Variants in JAM3 observed in about 807,000 individuals in gnomAD.
The protein encoded by JAM3 is junctional adhesion molecule C.
Under a neutral mutation model 39.4 loss-of-function variants are expected in JAM3, and 31 were observed. That is an observed-to-expected ratio of 0.79 (90% confidence interval 0.59 to 1.06). JAM3 has a LOEUF of 1.06. Ranked by LOEUF, JAM3 falls within the 50% of genes least tolerant of loss-of-function variation. The pLI, the probability that JAM3 is intolerant of heterozygous loss-of-function variation, is 0.00. For synonymous variants in JAM3, 182 were observed against 148.7 expected, an observed-to-expected ratio of 1.22 and a Z score of -1.63; for missense variants, 455 against 391.4, an observed-to-expected ratio of 1.16 and a Z score of -1.37.
chr11:134,091,749 A>C (rs1174135409), intron 1 of JAM3, among the ~76,000 whole-genome samples: 2 of 152,062 alleles, frequency 1.3e-5, no homozygotes, highest in Non-Finnish European at 2.9e-5. Context: ...AGGATGTATC[A>C]TGCAAATAAA....
intron 1 of JAM3, among the ~76,000 whole-genome samples, chr11:134,080,755 C>T (rs532662919): frequency 6.6e-5 from 10 of 152,122 alleles, no homozygotes; most frequent in Non-Finnish European, 8.8e-5. Context: ...TAGAGTGGGG[C>T]GCTACTGAAA....
At chr11:134,112,437 G>C (rs1341394563) in intron 1 of JAM3, among the ~76,000 whole-genome samples, 1 of 152,144 alleles carries the variant, frequency 6.6e-6, no homozygotes, top group Non-Finnish European at 1.5e-5. Context: ...AGATGGAAGT[G>C]CAGGTTTCAA....
chr11:134,141,196 C>T (rs995480158), intron 3 of JAM3, among the ~76,000 whole-genome samples: 4 of 151,964 alleles, frequency 2.6e-5, no homozygotes, highest in Non-Finnish European at 5.9e-5. Context: ...CTGGGGTTGC[C>T]GATGGGGAGA....
chr11:134,148,953 G>A, intron 8 of JAM3, 135 bp downstream of exon 8: 2 of 686,044 alleles, frequency 2.9e-6, no homozygotes, highest in Non-Finnish European at 2.4e-6. Context: ...CCCCTTCACA[G>A]TAACACACAC....
Position 134,149,687 on chromosome 11 carries a change from T to C in JAM3, c.*506T>C, listed in dbSNP as rs912603482. 8.8e-6 allele frequency: 4 copies of C among 456,682 alleles called. No individual in the cohort carries two copies. The highest frequency in any genetic ancestry group is 2.0e-5 in the African/African-American group (1 of 50,130). 28.3% of individuals were successfully genotyped at this position (456,682 alleles called of 1,614,324 possible). Reference sequence around the variant, plus strand: ...CACAGACACCACCGCAGTTTCTTCTTAAAGGCTCTGCTGATCGGTGTTGCA... The same window carrying C: ...CACAGACACCACCGCAGTTTCTTCTCAAAGGCTCTGCTGATCGGTGTTGCA... On this transcript the variant is annotated 3_prime_UTR_variant, in exon 9 of 9. Transcript: ENST00000299106.
intron 1 of JAM3, among the ~76,000 whole-genome samples, chr11:134,082,119 G>T (rs768200143): frequency 5.3e-5 from 8 of 152,192 alleles, no homozygotes; most frequent in Non-Finnish European, 1.2e-4. Context: ...TTTCGGACTT[G>T]CATGGGGCCT....
intron 1 of JAM3, among the ~76,000 whole-genome samples, chr11:134,119,123 G>T (rs1398215129): frequency 6.6e-6 from 1 of 151,646 alleles, no homozygotes; most frequent in South Asian, 2.1e-4. Context: ...ACAGAGTTCC[G>T]CCATGTTGGC....
At chr11:134,076,151 C>CTTTCT (rs763536254) in intron 1 of JAM3, among the ~76,000 whole-genome samples, 8 of 120,388 alleles carry the variant, frequency 6.6e-5, no homozygotes, top group Admixed American at 8.6e-5. Flanking sequence ...TCTTTTCTTT[C>CTTTCT]TTTTTTTTTT....
Position 134,123,911 on chromosome 11 carries a change from A to C in JAM3, c.77-15940A>C. 12 of 1,145,454 alleles carry C rather than the reference A, an allele frequency of 1.0e-5. No homozygotes were observed. The South Asian group carries it at 1.2e-4, about 12-fold the overall frequency. The allele number at this position is 1,145,454 out of a possible 1,614,324, so 71.0% of individuals were successfully genotyped here. A position where few individuals can be genotyped will look rare whatever the true frequency, so the allele number is the denominator to read the frequency against. On this transcript the variant is annotated intron_variant, in intron 1 of 8. Coordinates refer to ENST00000299106, the MANE Select transcript of JAM3 (RefSeq NM_032801.5). ...TCTCCAAGTAAAGCAGCTGTTTGGAATTGAAGGCCCCCCTTCTTTTTTGTG... is the reference window on the plus strand; with the variant it reads ...TCTCCAAGTAAAGCAGCTGTTTGGACTTGAAGGCCCCCCTTCTTTTTTGTG...
intron 1 of JAM3, among the ~76,000 whole-genome samples, chr11:134,134,235 G>A (rs889573182): frequency 1.3e-5 from 2 of 151,750 alleles, no homozygotes; most frequent in Non-Finnish European, 2.9e-5. Flanking sequence ...TACAAGAAGT[G>A]GGCAACTACA....
intron 1 of JAM3, among the ~76,000 whole-genome samples, chr11:134,103,900 C>A (rs1486095064): frequency 2.0e-5 from 3 of 152,164 alleles, no homozygotes; most frequent in Non-Finnish European, 4.4e-5. Flanking sequence ...GACTCCCACA[C>A]AATAATAATG....
chr11:134,091,115 T>C lies in JAM3; in HGVS notation c.76+21956T>C, dbSNP rs370915350. On this transcript the variant is annotated intron_variant, in intron 1 of 8. Coordinates refer to ENST00000299106, the MANE Select transcript of JAM3 (RefSeq NM_032801.5). Reference sequence around the variant, plus strand: ...AATGTGATGGAACTGAGAGACACTGTGGATTGGCTTAGAACTGAACCACAG... The same window carrying C: ...AATGTGATGGAACTGAGAGACACTGCGGATTGGCTTAGAACTGAACCACAG... Among the ~76,000 whole-genome samples the C allele has an allele frequency of 7.9e-5, 12 of 152,298 alleles. No individual in the cohort carries two copies. In the East Asian group the frequency reaches 9.7e-4, roughly 12 times the overall value.
intron 1 of JAM3, among the ~76,000 whole-genome samples, chr11:134,070,626 G>T (rs1440230705): frequency 6.6e-6 from 1 of 152,162 alleles, no homozygotes; most frequent in Non-Finnish European, 1.5e-5. Context: ...TCCAGCACCC[G>T]CTGTGTTGGT....
intron 1 of JAM3, among the ~76,000 whole-genome samples, chr11:134,078,457 A>T (rs1565481554): frequency 6.6e-6 from 1 of 152,236 alleles, no homozygotes; most frequent in South Asian, 2.1e-4. Flanking sequence ...TCTCAGTTTA[A>T]CACTCCTACC....
In JAM3 at chr11:134,097,346, G is replaced by A. The variant is rs139079753; in HGVS notation, c.76+28187G>A. Reference sequence around the variant, plus strand: ...TGGTTGCTGTTCTGCATTTCAGGGCGCCTTGCCTACAGATTAATCCCAGCT... The same window carrying A: ...TGGTTGCTGTTCTGCATTTCAGGGCACCTTGCCTACAGATTAATCCCAGCT... On this transcript the variant is annotated intron_variant, in intron 1 of 8. Transcript: ENST00000299106. 4.3e-3 allele frequency among the ~76,000 whole-genome samples: 658 copies of A among 152,252 alleles called. 3 individuals carry two copies. The highest frequency in any genetic ancestry group is 0.014 in the African/African-American group (589 of 41,542).
intron 1 of JAM3, among the ~76,000 whole-genome samples, chr11:134,113,461 T>C (rs371051604): frequency 1.3e-4 from 20 of 152,162 alleles, no homozygotes; most frequent in African/African-American, 2.7e-4. Context: ...TTTGTCCTTG[T>C]GATAGTTTGC....
chr11:134,144,694 G>A (rs759233232), intron 4 of JAM3, 98 bp from the exon 5 acceptor site: 7 of 1,138,488 alleles, frequency 6.1e-6, no homozygotes, highest in Non-Finnish European at 9.3e-6. Flanking sequence ...GGAACCCCTC[G>A]ACTGGCTGTC....
intron 6 of JAM3, 95 bp downstream of exon 6, chr11:134,146,140 C>A: frequency 2.3e-6 from 2 of 882,458 alleles, no homozygotes; most frequent in South Asian, 1.4e-5. Context: ...AGAACTCTTC[C>A]GCCATGGGTT....
intron 1 of JAM3, among the ~76,000 whole-genome samples, chr11:134,135,088 T>C (rs1202993180): frequency 6.6e-6 from 1 of 152,220 alleles, no homozygotes; most frequent in African/African-American, 2.4e-5. Context: ...GTCATGAAGA[T>C]GTTTCTCTAT....
Sources: allele counts gnomAD v4.1 joint callset (sites outside exome capture counted in the v4.1 genomes callset), GRCh38; gene constraint gnomAD v4.1.1; transcripts MANE v1.5; gene names NCBI Gene and HGNC (gene_info 2026-07-23, HGNC 2026-07-21).